Variants in AKAP10 observed in about 807,000 individuals in gnomAD.
AKAP10 encodes the protein A-kinase anchoring protein 10.
AKAP10 carries 24 observed loss-of-function variants against 80.8 expected under a neutral mutation model. The observed-to-expected ratio is 0.30, with a 90% CI of 0.22 to 0.42. The LOEUF is 0.42. Ranked by LOEUF, AKAP10 falls within the 10% of genes least tolerant of loss-of-function variation. The pLI is 1.00. For synonymous variants in AKAP10, 291 were observed against 277.7 expected, an observed-to-expected ratio of 1.05 and a Z score of -0.48; for missense variants, 661 against 794.9, an observed-to-expected ratio of 0.83 and a Z score of 2.03.
intron 9 of AKAP10, among the ~76,000 whole-genome samples, chr17:19,935,089 T>C (rs1196719627): frequency 6.6e-6 from 1 of 152,210 alleles, no homozygotes; most frequent in Non-Finnish European, 1.5e-5. Context: ...TCACAGAGTG[T>C]ACTTATACAA....
intron 5 of AKAP10, among the ~76,000 whole-genome samples, chr17:19,946,098 T>A (rs1597509570): frequency 7.3e-6 from 1 of 137,910 alleles, no homozygotes; most frequent in Non-Finnish European, 1.5e-5. Context: ...TTGATTTTTT[T>A]ATTCTAGTAT....
intron 4 of AKAP10, among the ~76,000 whole-genome samples, chr17:19,950,677 C>T (rs372547716): frequency 2.0e-5 from 3 of 152,356 alleles, no homozygotes; most frequent in East Asian, 1.9e-4. Context: ...ACTTCCCAGC[C>T]GCCTGCCTTG....
intron 5 of AKAP10, among the ~76,000 whole-genome samples, chr17:19,946,239 ATATATAT>A (rs2043114929): frequency 2.6e-4 from 2 of 7,748 alleles, no homozygotes; most frequent in African/African-American, 6.0e-4. Context: ...TATATATATT[ATATATAT>A]ATATATATAT....
intron 4 of AKAP10, among the ~76,000 whole-genome samples, chr17:19,951,250 G>A (rs570702704): frequency 9.4e-4 from 123 of 131,050 alleles, no homozygotes; most frequent in Admixed American, 4.2e-3. Context: ...GCCCCCGCCC[G>A]GCCAGCCGCC....
chr17:19,930,993 AC>A (rs2042926007), intron 10 of AKAP10, among the ~76,000 whole-genome samples: 1 of 151,834 alleles, frequency 6.6e-6, no homozygotes, highest in Non-Finnish European at 1.5e-5. Flanking sequence ...ACAGGCGTGA[AC>A]CATCATGCCT....
rs575002040 is a variant in AKAP10, at chr17:19,916,477, T to C, written c.1834+3559A>G. The stretch of plus-strand genomic sequence containing the variant: ...CAGAGATAGTGGTTTGGGAAAAAAT[T>C]TCCTATATATCTTCAACTGCTCATA... On this transcript the variant is annotated intron_variant, in intron 12 of 14. Coordinates refer to ENST00000225737, the MANE Select transcript of AKAP10 (RefSeq NM_007202.4). 7.9e-5 allele frequency among the ~76,000 whole-genome samples: 12 copies of C among 152,058 alleles called. No homozygotes were observed. The South Asian group carries it at 2.5e-3, about 32-fold the overall frequency.
intron 12 of AKAP10, among the ~76,000 whole-genome samples, chr17:19,919,800 A>G (rs2042790682): frequency 6.6e-6 from 1 of 152,230 alleles, no homozygotes; most frequent in African/African-American, 2.4e-5. Context: ...ATGCTTTTTC[A>G]TATTCATGTG....
chr17:19,949,894 T>C (rs953356532), intron 4 of AKAP10, among the ~76,000 whole-genome samples: 9 of 152,200 alleles, frequency 5.9e-5, no homozygotes, highest in Admixed American at 6.5e-5. Context: ...ACATTCCACT[T>C]GAAGTTACAA....
rs1567766022 is a variant in AKAP10, at chr17:19,946,271, ATATATTTT to A, written c.976+1128_976+1135del. Among the ~76,000 whole-genome samples, 76 of 23,320 alleles carry A rather than the reference ATATATTTT, an allele frequency of 3.3e-3. 4 individuals are homozygous for A. The highest frequency in any genetic ancestry group is 0.012 in the African/African-American group (71 of 5,836). 15.3% of individuals were successfully genotyped at this position (23,320 alleles called of 152,430 possible). ...TATATATATATATATATATATATAT[ATATATTTT>A]TTTTTTTTTTTTTTTTTTTTGGCAG... is the stretch of plus-strand genomic sequence containing the variant. On this transcript the variant is annotated intron_variant, in intron 5 of 14. Coordinates refer to ENST00000225737, the MANE Select transcript of AKAP10 (RefSeq NM_007202.4).
intron 12 of AKAP10, among the ~76,000 whole-genome samples, chr17:19,918,058 A>G (rs1380119429): frequency 6.6e-6 from 1 of 151,472 alleles, no homozygotes; most frequent in African/African-American, 2.4e-5. Context: ...TGTCTCTACT[A>G]AAAATACAAA....
chr17:19,942,810 C>T (rs7212924), intron 5 of AKAP10, among the ~76,000 whole-genome samples: 1 of 152,030 alleles, frequency 6.6e-6, no homozygotes, highest in African/African-American at 2.4e-5. Flanking sequence ...AGGGATCATA[C>T]TAGTGTCCTG....
rs1438989335 is a variant in AKAP10 at position 19,904,656 on chromosome 17, T to C, written c.*1571A>G. 2.0e-5 allele frequency: 3 copies of C among 152,202 alleles called. No individual in the cohort carries two copies. Among genetic ancestry groups the C allele is most frequent in the African/African-American group, 7.2e-5 (3 of 41,456 alleles). 9.4% of individuals were successfully genotyped at this position (152,202 alleles called of 1,614,324 possible). A position where few individuals can be genotyped will look rare whatever the true frequency, so the allele number is the denominator to read the frequency against. On this transcript the variant is annotated 3_prime_UTR_variant, in exon 15 of 15. Coordinates refer to ENST00000225737, the MANE Select transcript of AKAP10 (RefSeq NM_007202.4). ...TCAAACACAAGGCAAAGTCCAGTAG[T>C]GGCTCATGTTCTGGGTTTTTAGAAA...
At position 19,962,281 on chromosome 17, in the gene AKAP10, TACATACATACATATAC is replaced by T. The variant is rs1310165738; in HGVS notation, c.319+543_319+558del. On this transcript the variant is annotated intron_variant, in intron 3 of 14. Transcript: ENST00000225737. ...CCTTCAACATACATACATACATACA[TACATACATACATATAC>T]ACACACACACACACACACACACACA... 1.9e-4 allele frequency among the ~76,000 whole-genome samples: 27 copies of T among 139,090 alleles called. No individual in the cohort carries two copies. In the Admixed American group the frequency reaches 2.1e-3, roughly 11 times the overall value. The allele number at this position is 139,090 out of a possible 152,430, so 91.2% of individuals were successfully genotyped here.
At chr17:19,958,837 A>G (rs62066301) in intron 3 of AKAP10, among the ~76,000 whole-genome samples, 1 of 149,066 alleles carries the variant, frequency 6.7e-6, no homozygotes, top group African/African-American at 2.5e-5. Context: ...CAGACCATGT[A>G]AATTCTTTTT....
intron 9 of AKAP10, 112 bp from the exon 10 acceptor site, chr17:19,932,090 T>A: frequency 1.0e-6 from 1 of 975,678 alleles, no homozygotes; most frequent in Non-Finnish European, 1.5e-6. Flanking sequence ...TAACTACCTA[T>A]AACAAATGTT....
At position 19,947,474 on chromosome 17, in the gene AKAP10, G is replaced by A; in HGVS notation, c.909C>T (p.Thr303=). The part of the protein sequence containing the change: ...SIEQDAVNTF[T]KYISPDAAKP... The stretch of plus-strand genomic sequence containing the variant: ...TAGCAGCATCTGGAGATATATATTT[G>A]GTAAAAGTATTCACTGCATCTTGTT... The change falls in exon 5 of 15, where the codon ACC becomes ACT. Residue 303 remains threonine (T), a synonymous_variant. Transcript: ENST00000225737. 6.2e-7 allele frequency: 1 copy of A among 1,612,508 alleles called. No homozygotes were observed. The highest frequency in any genetic ancestry group is 2.2e-5 in the East Asian group (1 of 44,826).
intron 1 of AKAP10, among the ~76,000 whole-genome samples, chr17:19,972,494 C>T (rs764126778): frequency 1.3e-5 from 2 of 152,122 alleles, no homozygotes; most frequent in Non-Finnish European, 2.9e-5. Context: ...CTCACTCTGT[C>T]GCCCAGGCTG....
At position 19,946,043 on chromosome 17, in the gene AKAP10, GA is replaced by G. The variant is rs540846954; in HGVS notation, c.976+1363del. On this transcript the variant is annotated intron_variant, in intron 5 of 14. Transcript: ENST00000225737. ...ACACATACATACATGTATATATAAT[GA>G]AAACATTTTTCTGAAATGTTTGTCC... is the stretch of plus-strand genomic sequence containing the variant. Among the ~76,000 whole-genome samples the G allele has an allele frequency of 2.7e-5, 4 of 145,608 alleles. No homozygotes were observed. The South Asian group carries it at 8.6e-4, about 31-fold the overall frequency.
At chr17:19,937,376 C>A (rs1241680320) in intron 8 of AKAP10, among the ~76,000 whole-genome samples, 1 of 152,134 alleles carries the variant, frequency 6.6e-6, no homozygotes, top group Non-Finnish European at 1.5e-5. Flanking sequence ...GTGGCCCCCA[C>A]CTGTAATCCC....
Sources: allele counts gnomAD v4.1 joint callset (sites outside exome capture counted in the v4.1 genomes callset), GRCh38; gene constraint gnomAD v4.1.1; transcripts MANE v1.5; gene names NCBI Gene and HGNC (gene_info 2026-07-23, HGNC 2026-07-21).